The following BRPF3 variants were observed in gnomAD, a reference collection of about 807,000 sequenced individuals.
BRPF3 encodes bromodomain and PHD finger containing 3, also known as bromodomain and PHD finger-containing protein 3.
Under a neutral mutation model 102.0 loss-of-function variants are expected in BRPF3, and 18 were observed. The ratio of observed to expected loss-of-function variants is 0.18; its 90% CI spans 0.12 to 0.26. BRPF3 has a LOEUF of 0.26. Ranked by LOEUF, BRPF3 falls within the 10% of genes least tolerant of loss-of-function variation. The probability of loss-of-function intolerance (pLI) is 1.00; values close to 1 mark genes in which losing one functional copy is unlikely to be tolerated. For synonymous variants in BRPF3, 570 were observed against 614.2 expected (o/e 0.93, Z 1.06); for missense variants, 1,147 against 1,567.8 (o/e 0.73, Z 4.53).
rs1768077674 is a variant in BRPF3 at position 36,210,769 on chromosome 6, T to G, written c.2179+241T>G. Among the ~76,000 whole-genome samples the G allele has an allele frequency of 6.6e-6, 1 of 152,346 alleles. No individual in the cohort carries two copies. The highest frequency in any genetic ancestry group is 2.1e-4 in the South Asian group (1 of 4,830). On this transcript the variant is annotated intron_variant, in intron 6 of 12. Coordinates refer to ENST00000357641, the MANE Select transcript of BRPF3 (RefSeq NM_015695.3). The surrounding 1 kb of genome is among the most constrained non-coding windows in gnomAD (Gnocchi z 4.7). ...GGGGAATCAGGTACTAGTGGTCTGT[T>G]TGAAAAGCTTAAAGCCTCATCAGAG...
Position 36,211,379 on chromosome 6 carries a change from T to C in BRPF3, c.2301T>C (p.Arg767=). The change falls in exon 7 of 13, where the codon CGT becomes CGC. Residue 767 remains arginine, a synonymous_variant. Transcript: ENST00000357641. ...GGTCCAGTGGGGCCCGCACCCGTCG[T>C]GTCCGCCTGCTACGCCGGGAGATCA... is the stretch of plus-strand genomic sequence containing the variant. ...AMRSSGARTR[R]VRLLRREINA... 1 of 1,614,228 alleles carries C rather than the reference T, an allele frequency of 6.2e-7. No individual in the cohort carries two copies. The highest frequency in any genetic ancestry group is 8.5e-7 in the Non-Finnish European group (1 of 1,180,032).
intron 9 of BRPF3, among the ~76,000 whole-genome samples, chr6:36,221,709 G>A (rs1165803893): frequency 6.6e-6 from 1 of 152,120 alleles, no homozygotes; most frequent in Non-Finnish European, 1.5e-5. Context: ...AAGGAAGTAT[G>A]ACATGTCCAC....
At chr6:36,205,689 C>T (rs1767879758) in intron 3 of BRPF3, among the ~76,000 whole-genome samples, 1 of 152,368 alleles carries the variant, frequency 6.6e-6, no homozygotes, top group East Asian at 1.9e-4. Context: ...ACCTCTCTGA[C>T]TGTACCCTAT....
intron 8 of BRPF3, among the ~76,000 whole-genome samples, chr6:36,216,896 G>A (rs777511335): frequency 6.6e-6 from 1 of 152,132 alleles, no homozygotes; most frequent in Admixed American, 6.6e-5. Context: ...AGTTAGCTGG[G>A]CATAGGGCTC....
intron 11 of BRPF3, among the ~76,000 whole-genome samples, chr6:36,227,886 G>A (rs541267519): frequency 6.6e-6 from 1 of 152,326 alleles, no homozygotes; most frequent in South Asian, 2.1e-4. Flanking sequence ...GACAAGCAAA[G>A]GTAAATAATG....
chr6:36,213,801 G>A (rs2127288674), intron 7 of BRPF3, 79 bp from the exon 8 acceptor site: 5 of 1,433,980 alleles, frequency 3.5e-6, no homozygotes, highest in Non-Finnish European at 4.7e-6. Flanking sequence ...TTTGGTCCTT[G>A]GTTGTCAGTG....
At chr6:36,209,022 C>T (rs1281336179) in intron 4 of BRPF3, among the ~76,000 whole-genome samples, 1 of 152,216 alleles carries the variant, frequency 6.6e-6, no homozygotes, top group Non-Finnish European at 1.5e-5. Flanking sequence ...TTTACATCAT[C>T]ATTGTGTCCC....
In BRPF3 at chr6:36,217,906, G is replaced by C. The variant is rs1768388031; in HGVS notation, c.2990-11G>C. On this transcript the variant is annotated splice_polypyrimidine_tract_variant and intron_variant, in intron 8 of 12. Transcript: ENST00000357641. ...TTCTGCACTCAGACTCACTGTGTGTGTCCTTGGCAGGCATGACCAACGGCT... is the reference window on the plus strand; with the variant it reads ...TTCTGCACTCAGACTCACTGTGTGTCTCCTTGGCAGGCATGACCAACGGCT... 1 of 1,612,528 alleles carries C rather than the reference G, an allele frequency of 6.2e-7. No individual in the cohort carries two copies. Among genetic ancestry groups the C allele is most frequent in the Non-Finnish European group, 8.5e-7 (1 of 1,179,090 alleles).
chr6:36,217,818 A>C (rs1178285471), intron 8 of BRPF3, 99 bp from the exon 9 acceptor site: 1 of 874,218 alleles, frequency 1.1e-6, no homozygotes, highest in African/African-American at 1.7e-5. Context: ...CATCCTCTCC[A>C]CTCGTCACTG....
chr6:36,206,839 A>G (rs1411282992), intron 3 of BRPF3, among the ~76,000 whole-genome samples: 6 of 152,184 alleles, frequency 3.9e-5, no homozygotes, highest in African/African-American at 1.4e-4. Context: ...TTCAAGCTCT[A>G]GGTCTCTTCC....
Position 36,200,760 on chromosome 6 carries a change from A to C in BRPF3, c.438A>C (p.Glu146Asp). The change falls in exon 2 of 13, where the codon GAA becomes GAC. Residue 146 changes from glutamate (E) to aspartate (D), a missense_variant. Glu to Asp is a conservative substitution (Grantham distance 45). Around this residue, in one of 11 missense-constraint regions of BRPF3, gnomAD observed 221 missense variants for 337.1 expected, o/e 0.66. Transcript: ENST00000357641. The surrounding 1 kb of genome is among the most constrained non-coding windows in gnomAD (Gnocchi z 5.3). ...AYYRYIEKPP[E>D]DLDAEVEYDM... ...ACCGCTACATTGAGAAGCCACCTGA[A>C]GACCTGGATGCAGAGGTAGAGTATG... 6.2e-7 allele frequency: 1 copy of C among 1,614,192 alleles called. No individual in the cohort carries two copies. The highest frequency in any genetic ancestry group is 1.6e-4 in the Middle Eastern group (1 of 6,062).
intron 11 of BRPF3, among the ~76,000 whole-genome samples, chr6:36,226,504 G>A (rs149868907): frequency 9.2e-5 from 14 of 152,020 alleles, no homozygotes; most frequent in East Asian, 3.9e-4. Context: ...CCACCCCAGC[G>A]CTATCAAATT....
intron 9 of BRPF3, among the ~76,000 whole-genome samples, chr6:36,220,572 A>G (rs1163099572): frequency 6.6e-6 from 1 of 152,178 alleles, no homozygotes; most frequent in Non-Finnish European, 1.5e-5. Flanking sequence ...CAGATTCTTG[A>G]TGTGAACTTT....
At position 36,230,644 on chromosome 6, in the gene BRPF3, T is replaced by C. The variant is rs9470234; in HGVS notation, c.*35T>C. 324,288 of 1,602,484 alleles carry C rather than the reference T, an allele frequency of 0.2. 33,983 individuals carry two copies. The highest frequency in any genetic ancestry group is 0.29 in the African/African-American group (21,856 of 74,798). On this transcript the variant is annotated 3_prime_UTR_variant, in exon 13 of 13. Coordinates refer to ENST00000357641, the MANE Select transcript of BRPF3 (RefSeq NM_015695.3). The surrounding 1 kb of genome is among the most constrained non-coding windows in gnomAD (Gnocchi z 5.4). ...TGGGCCTGCATCCGCTTGCCCTGCC[T>C]CCATCCCGCAGGGCACAGAGAAGCC... is the stretch of plus-strand genomic sequence containing the variant.
intron 1 of BRPF3, among the ~76,000 whole-genome samples, chr6:36,199,140 G>A (rs1392388758): frequency 2.6e-5 from 4 of 152,302 alleles, no homozygotes; most frequent in Admixed American, 2.6e-4. Flanking sequence ...GGCCTGTTAA[G>A]AACCAGGCCA....
chr6:36,206,908 T>C (rs1767925331), intron 3 of BRPF3, among the ~76,000 whole-genome samples: 2 of 152,352 alleles, frequency 1.3e-5, no homozygotes, highest in Admixed American at 1.3e-4. Flanking sequence ...TGTTTGTTGT[T>C]GTTTTACCAG....
rs1220477553 is a variant in BRPF3 at position 36,201,767 on chromosome 6, A to G, written c.1445A>G (p.Tyr482Cys). 7 of 1,595,968 alleles carry G rather than the reference A, an allele frequency of 4.4e-6. No homozygotes were observed. The highest frequency in any genetic ancestry group is 6.0e-6 in the Non-Finnish European group (7 of 1,170,692). The change falls in exon 2 of 13, where the codon TAC becomes TGC. Residue 482 changes from tyrosine to cysteine, a missense_variant. Physicochemically the swap from Tyr to Cys is radical, Grantham distance 194. Around this residue, in one of 11 missense-constraint regions of BRPF3, gnomAD observed 157 missense variants for 163.6 expected, o/e 0.96. Transcript: ENST00000357641. This position sits in a 1 kb window ranked among gnomAD's most constrained non-coding sequence, Gnocchi z 5.1. ...PMLAVPQIPS[Y>C]RLNKICSGLS... The stretch of plus-strand genomic sequence containing the variant: ...CTTGCTGTCCCACAGATACCCTCTT[A>G]CAGGTAAGCATGCCCAGAAGGGCTC...
rs138191846 is a variant in BRPF3 at position 36,210,108 on chromosome 6, G to T, written c.1867-108G>T. On this transcript the variant is annotated intron_variant, in intron 5 of 12. Transcript: ENST00000357641. The surrounding 1 kb of genome is among the most constrained non-coding windows in gnomAD (Gnocchi z 4.7). Reference sequence around the variant, plus strand: ...GCCAGGACTGTAGGTCTTTGAGTTAGCCTGGCATGGCCAAATCAGAAATTG... The same window carrying T: ...GCCAGGACTGTAGGTCTTTGAGTTATCCTGGCATGGCCAAATCAGAAATTG... 3.4e-6 allele frequency: 5 copies of T among 1,461,732 alleles called. No individual in the cohort carries two copies. In the South Asian group the frequency reaches 4.7e-5, roughly 14 times the overall value. The allele number at this position is 1,461,732 out of a possible 1,614,324, so 90.5% of individuals were successfully genotyped here.
intron 1 of BRPF3, among the ~76,000 whole-genome samples, chr6:36,199,003 C>G (rs2127272921): frequency 6.6e-6 from 1 of 152,316 alleles, no homozygotes; most frequent in East Asian, 1.9e-4. Flanking sequence ...AGGTCCTAGA[C>G]AGGCCACTAT....
Sources: gnomAD v4.1 joint callset for allele counts (sites outside exome capture counted in the v4.1 genomes callset) on GRCh38, gnomAD v4.1.1 for gene constraint, gnomAD v4.1.1 regional missense constraint, Gnocchi (gnomAD v3.1) non-coding constraint, MANE v1.5 for transcripts, NCBI Gene and HGNC (gene_info 2026-07-23, HGNC 2026-07-21) for gene names.